The following FTCDNL1 variants were observed in gnomAD, a reference collection of about 807,000 sequenced individuals.
FTCDNL1 encodes formiminotransferase cyclodeaminase N-terminal like, also known as formiminotransferase N-terminal subdomain-containing protein.
Under a neutral mutation model 5.9 loss-of-function variants are expected in FTCDNL1, and 11 were observed. The observed-to-expected ratio is 1.87, with a 90% CI of 1.18 to 3.10. The LOEUF (loss-of-function observed/expected upper bound fraction) is 3.10, where lower values mean the gene tolerates loss of function less well. FTCDNL1 is among the 30% of genes most tolerant of loss of function. The pLI is 0.00. For missense variants in FTCDNL1, 115 were observed against 65.5 expected (o/e 1.76, Z -2.61); for synonymous variants, 58 against 24.8 (o/e 2.34, Z -3.99).
chr2:199,819,539 A>G, intron 4 of FTCDNL1, 33 bp downstream of exon 4: 1 of 680,742 alleles, frequency 1.5e-6, no homozygotes, highest in South Asian at 1.6e-5. Flanking sequence ...AAAAAAAAAA[A>G]AAACAGAGCA....
chr2:199,713,769 A>G, the FTCDNL1 span, among the ~76,000 whole-genome samples: 2 of 152,206 alleles, frequency 1.3e-5, no homozygotes, highest in African/African-American at 2.4e-5. Context: ...AAGGATCTAA[A>G]TAGTAACAAT....
At chr2:199,683,363 A>G in the FTCDNL1 span, among the ~76,000 whole-genome samples, 1 of 152,176 alleles carries the variant, frequency 6.6e-6, no homozygotes, top group Non-Finnish European at 1.5e-5. Flanking sequence ...CTTACTGCTT[A>G]CACATGCTAC....
At chr2:199,715,366 C>G in the FTCDNL1 span, among the ~76,000 whole-genome samples, 2 of 152,092 alleles carry the variant, frequency 1.3e-5, no homozygotes, top group East Asian at 3.9e-4. Flanking sequence ...GTAATTGAAT[C>G]ATGGGGGTGG....
the FTCDNL1 span, among the ~76,000 whole-genome samples, chr2:199,691,894 G>T: frequency 2.0e-5 from 3 of 152,072 alleles, no homozygotes; most frequent in Non-Finnish European, 4.4e-5. Context: ...AGACACAAAA[G>T]ATTTCACTAA....
chr2:199,832,757 TA>T (rs921582211), intron 3 of FTCDNL1, among the ~76,000 whole-genome samples: 29 of 152,210 alleles, frequency 1.9e-4, no homozygotes, highest in African/African-American at 6.7e-4. Context: ...GGAGAATCAC[TA>T]AAAATAATGA....
At chr2:199,696,611 CA>C in the FTCDNL1 span, among the ~76,000 whole-genome samples, 1 of 151,606 alleles carries the variant, frequency 6.6e-6, no homozygotes, top group African/African-American at 2.4e-5. Flanking sequence ...CACCAACCCT[CA>C]AGGTCATCAA....
chr2:199,813,621 T>G (rs1444092681), intron 4 of FTCDNL1, among the ~76,000 whole-genome samples: 1 of 152,162 alleles, frequency 6.6e-6, no homozygotes, highest in Non-Finnish European at 1.5e-5. Context: ...CATTAAATAC[T>G]TTGTTACCAG....
intron 3 of FTCDNL1, among the ~76,000 whole-genome samples, chr2:199,844,773 A>G (rs900476396): frequency 2.0e-5 from 3 of 152,132 alleles, no homozygotes; most frequent in African/African-American, 7.2e-5. Context: ...TACAAGATTT[A>G]TTGGTCTTAT....
At chr2:199,676,582 T>A in the FTCDNL1 span, among the ~76,000 whole-genome samples, 6 of 151,938 alleles carry the variant, frequency 3.9e-5, 1 homozygote, top group Admixed American at 3.3e-4. Flanking sequence ...ATATTATATA[T>A]ATAACAAAAC....
chr2:199,743,377 T>C, the FTCDNL1 span, among the ~76,000 whole-genome samples: 1 of 152,254 alleles, frequency 6.6e-6, no homozygotes, highest in Non-Finnish European at 1.5e-5. Context: ...TGTGAAATTG[T>C]ATATTCTCTT....
At chr2:199,755,058 G>A in the FTCDNL1 span, among the ~76,000 whole-genome samples, 3 of 152,170 alleles carry the variant, frequency 2.0e-5, no homozygotes, top group Non-Finnish European at 4.4e-5. Flanking sequence ...TAACTTCAGA[G>A]TTAAGCAGCC....
chr2:199,821,605 C>T (rs1273422671), intron 3 of FTCDNL1, among the ~76,000 whole-genome samples: 1 of 151,992 alleles, frequency 6.6e-6, no homozygotes, highest in Non-Finnish European at 1.5e-5. Flanking sequence ...GCTGGGATTA[C>T]AGGAACCCGC....
chr2:199,804,857 T>C (rs1412329706), downstream of FTCDNL1, among the ~76,000 whole-genome samples: 1 of 152,116 alleles, frequency 6.6e-6, no homozygotes, highest in Non-Finnish European at 1.5e-5. Flanking sequence ...ACAAAAAAAA[T>C]TGTCAACAGT....
At chr2:199,804,336 G>T (rs561358802), downstream of FTCDNL1, among the ~76,000 whole-genome samples, 1 of 152,246 alleles carries the variant, frequency 6.6e-6, no homozygotes, top group South Asian at 2.1e-4. Flanking sequence ...GGGGCCTACC[G>T]CCAGATAAAA....
At chr2:199,751,155 T>C in the FTCDNL1 span, among the ~76,000 whole-genome samples, 4 of 152,174 alleles carry the variant, frequency 2.6e-5, no homozygotes, top group Non-Finnish European at 4.4e-5. Flanking sequence ...ATCTGCAAAA[T>C]AGCAAAATAA....
At chr2:199,786,404 G>T (rs1441668554) in intron 3 of FTCDNL1, among the ~76,000 whole-genome samples, 1 of 151,972 alleles carries the variant, frequency 6.6e-6, no homozygotes, top group Admixed American at 6.6e-5. Flanking sequence ...TTTGACTGAG[G>T]TTTACATTTC....
the FTCDNL1 span, among the ~76,000 whole-genome samples, chr2:199,675,089 C>T: frequency 6.6e-6 from 1 of 152,160 alleles, no homozygotes; most frequent in Admixed American, 6.5e-5. Context: ...CATCTATTGA[C>T]CCCTTTTTGT....
chr2:199,840,993 A>C (rs2076570069), intron 3 of FTCDNL1, among the ~76,000 whole-genome samples: 1 of 152,040 alleles, frequency 6.6e-6, no homozygotes, highest in East Asian at 1.9e-4. Context: ...TCTATAAAAA[A>C]TACAAAAATG....
downstream of FTCDNL1, among the ~76,000 whole-genome samples, chr2:199,757,190 T>C (rs994279319): frequency 2.0e-5 from 3 of 152,188 alleles, no homozygotes; most frequent in Non-Finnish European, 4.4e-5. Context: ...GAAAAGTCCA[T>C]AACACAGGAG....
Sources: allele counts gnomAD v4.1 joint callset (sites outside exome capture counted in the v4.1 genomes callset), GRCh38; gene constraint gnomAD v4.1.1; transcripts MANE v1.5; gene names NCBI Gene and HGNC (gene_info 2026-07-23, HGNC 2026-07-21).